LRBA: variants seen among roughly 807,000 people sequenced by gnomAD.
LRBA encodes lipopolysaccharide-responsive and beige-like anchor protein.
Under a neutral mutation model 330.0 loss-of-function variants are expected in LRBA, and 176 were observed. The ratio of observed to expected loss-of-function variants is 0.53; its 90% CI spans 0.47 to 0.60. LRBA has a LOEUF of 0.60. Among genes scored for constraint, LRBA ranks in the 20% least tolerant of loss-of-function variants. LRBA has a pLI of 0.00. For missense variants in LRBA, 3,259 were observed against 3,444.8 expected (o/e 0.95, Z 1.35); for synonymous variants, 1,230 against 1,193.0 (o/e 1.03, Z -0.64).
intron 35 of LRBA, among the ~76,000 whole-genome samples, chr4:150,757,842 T>C (rs1038861917): frequency 6.6e-6 from 1 of 152,202 alleles, no homozygotes; most frequent in African/African-American, 2.4e-5. Flanking sequence ...CACCACTGTT[T>C]ATTTCAAACA....
At chr4:150,719,753 C>T (rs1293646801) in intron 36 of LRBA, among the ~76,000 whole-genome samples, 1 of 152,046 alleles carries the variant, frequency 6.6e-6, no homozygotes, top group East Asian at 1.9e-4. Flanking sequence ...TACCTCTTTC[C>T]TCTTCTACCT....
rs377491223 is a variant in LRBA at position 150,605,079 on chromosome 4, G to A, written c.5922-5948C>T. ...TATTTAACCAAAAACCATTAAGTTC[G>A]CATTGCTATATTAAAGTAGATAACT... is the stretch of plus-strand genomic sequence containing the variant. On this transcript the variant is annotated intron_variant, in intron 37 of 56. Coordinates refer to ENST00000651943, the MANE Select transcript of LRBA (RefSeq NM_001364905.1). Among the ~76,000 whole-genome samples, 14 of 152,226 alleles carry A rather than the reference G, an allele frequency of 9.2e-5. No homozygotes were observed. In the South Asian group the frequency reaches 1.5e-3, roughly 16 times the overall value.
At chr4:150,464,746 G>C (rs765483204) in intron 44 of LRBA, among the ~76,000 whole-genome samples, 1 of 152,018 alleles carries the variant, frequency 6.6e-6, no homozygotes, top group African/African-American at 2.4e-5. Flanking sequence ...TGTCCTCCAT[G>C]TGTCAGTCAC....
intron 47 of LRBA, among the ~76,000 whole-genome samples, chr4:150,367,576 A>T (rs1323018112): frequency 6.6e-6 from 1 of 152,232 alleles, no homozygotes; most frequent in Non-Finnish European, 1.5e-5. Context: ...CAGCGTAAGT[A>T]GCACATGTAA....
chr4:150,325,447 A>G (rs1219408197), intron 49 of LRBA, among the ~76,000 whole-genome samples: 1 of 152,202 alleles, frequency 6.6e-6, no homozygotes, highest in Non-Finnish European at 1.5e-5. Flanking sequence ...TGGGATGTAA[A>G]GAATAAACAC....
chr4:150,325,714 T>C, intron 49 of LRBA, 95 bp downstream of exon 49: 1 of 845,976 alleles, frequency 1.2e-6, no homozygotes, highest in Non-Finnish European at 2.0e-6. Context: ...AACCCACATA[T>C]GGTGGAGAAA....
chr4:150,487,831 G>A lies in LRBA; in HGVS notation c.6452C>T (p.Ala2151Val). The change falls in exon 42 of 57, where the codon GCT (alanine) becomes GTT (valine). Residue 2151 changes from alanine (A) to valine (V), a missense_variant. Ala to Val is a moderately conservative substitution (Grantham distance 64, BLOSUM62 0). Coordinates refer to ENST00000651943, the MANE Select transcript of LRBA (RefSeq NM_001364905.1). ...AGGGTCTGGGAAGTTGAACATCACA[G>A]CAACTACAACAGATGATTTTTAAAA... Reference protein sequence around the residue: ...ALEIFMANRVAVMFNFPDPAT... With the variant: ...ALEIFMANRVVVMFNFPDPAT... 6.4e-7 allele frequency: 1 copy of A among 1,560,868 alleles called. No individual in the cohort carries two copies. Among genetic ancestry groups the A allele is most frequent in the Non-Finnish European group, 8.8e-7 (1 of 1,138,288 alleles).
intron 50 of LRBA, among the ~76,000 whole-genome samples, 188 bp from the exon 51 acceptor site, chr4:150,315,811 A>G (rs924106483): frequency 6.6e-6 from 1 of 152,156 alleles, no homozygotes; most frequent in African/African-American, 2.4e-5. Context: ...ATTTTAGATT[A>G]GTGCCGCTCT....
At chr4:150,671,684 A>C (rs1172549571) in intron 37 of LRBA, among the ~76,000 whole-genome samples, 3 of 152,226 alleles carry the variant, frequency 2.0e-5, no homozygotes. Flanking sequence ...ACTTTACATG[A>C]GAAAACTGAA....
At position 150,921,215 on chromosome 4, in the gene LRBA, G is replaced by T. The variant is rs772352600; in HGVS notation, c.628C>A (p.Pro210Thr). 5 of 1,610,152 alleles carry T rather than the reference G, an allele frequency of 3.1e-6. No homozygotes were observed. In the East Asian group the frequency reaches 1.1e-4, roughly 36 times the overall value. Residue 210 changes from proline to threonine, a missense_variant, in exon 5 of 57, where the codon CCA (proline) becomes ACA (threonine). Physicochemically the swap from Pro to Thr is conservative, Grantham distance 38. Transcript: ENST00000651943. ...KYGPDAFFNF[P>T]GKSAAAIALP... is the part of the protein sequence containing the mutation. The stretch of plus-strand genomic sequence containing the variant: ...TTACTTACTGCAGCACTCTTTCCTG[G>T]AAAGTTAAAAAAGGCATCAGGACCA...
chr4:150,506,063 T>G (rs1447670734), intron 40 of LRBA, among the ~76,000 whole-genome samples: 2 of 152,088 alleles, frequency 1.3e-5, no homozygotes, highest in Non-Finnish European at 2.9e-5. Context: ...AATAACAGGC[T>G]CTGAAATTGA....
intron 17 of LRBA, among the ~76,000 whole-genome samples, chr4:150,888,663 A>G (rs943029213): frequency 2.0e-5 from 3 of 152,194 alleles, no homozygotes; most frequent in Admixed American, 1.3e-4. Flanking sequence ...AACTCAAAAT[A>G]TAAATTTTGA....
chr4:150,898,901 A>C (rs993697402), intron 14 of LRBA, among the ~76,000 whole-genome samples: 1 of 152,304 alleles, frequency 6.6e-6, no homozygotes, highest in African/African-American at 2.4e-5. Context: ...TAGGTACCAG[A>C]TTCTCTGAGG....
chr4:150,901,962 T>C (rs1042087393), intron 13 of LRBA, among the ~76,000 whole-genome samples: 5 of 152,292 alleles, frequency 3.3e-5, no homozygotes, highest in South Asian at 2.1e-4. Context: ...TAACACTGTA[T>C]CATGGAAATA....
intron 41 of LRBA, among the ~76,000 whole-genome samples, chr4:150,489,278 T>TTACATATACG (rs2152098635): frequency 3.4e-5 from 2 of 59,000 alleles, no homozygotes; most frequent in Non-Finnish European, 5.6e-5. Context: ...ATATAATATA[T>TTACATATACG]TATATATAAG....
chr4:150,681,426 C>A (rs1783048543), intron 37 of LRBA, among the ~76,000 whole-genome samples: 2 of 152,158 alleles, frequency 1.3e-5, no homozygotes, highest in East Asian at 3.8e-4. Flanking sequence ...ATCCACACTT[C>A]ACATTATTGG....
intron 34 of LRBA, among the ~76,000 whole-genome samples, chr4:150,763,023 T>G (rs1226579295): frequency 2.0e-5 from 3 of 152,020 alleles, no homozygotes; most frequent in Non-Finnish European, 4.4e-5. Context: ...AAACCCAAGG[T>G]GGTTCTTAAG....
chr4:150,397,099 G>A (rs1744836704), intron 47 of LRBA, among the ~76,000 whole-genome samples: 1 of 152,018 alleles, frequency 6.6e-6, no homozygotes, highest in Admixed American at 6.6e-5. Context: ...TTATTACATT[G>A]AGATATCATA....
intron 44 of LRBA, among the ~76,000 whole-genome samples, chr4:150,440,186 T>C (rs1017183673): frequency 1.3e-5 from 2 of 152,062 alleles, no homozygotes; most frequent in African/African-American, 4.8e-5. Context: ...TGACTCAAAA[T>C]ACTGGCCATT....
Sources: allele counts gnomAD v4.1 joint callset (sites outside exome capture counted in the v4.1 genomes callset), GRCh38; gene constraint gnomAD v4.1.1; transcripts MANE v1.5; gene names NCBI Gene and HGNC (gene_info 2026-07-23, HGNC 2026-07-21).